The following STAU2 variants were observed in gnomAD, a reference collection of about 807,000 sequenced individuals.
STAU2 encodes the protein double-stranded RNA-binding protein Staufen homolog 2.
A neutral mutation model predicts 65.9 loss-of-function variants in STAU2; 20 were observed. The ratio of observed to expected loss-of-function variants is 0.30; its 90% confidence interval spans 0.21 to 0.44. The LOEUF (loss-of-function observed/expected upper bound fraction) is 0.44, where lower values mean the gene tolerates loss of function less well. STAU2 is among the 20% of genes least tolerant of loss of function. The pLI, the probability that STAU2 is intolerant of heterozygous loss-of-function variation, is 1.00. For synonymous variants in STAU2, 232 were observed against 233.9 expected (o/e 0.99, Z 0.07); for missense variants, 558 against 683.9 (o/e 0.82, Z 2.05).
At chr8:73,717,717 A>C (rs1191746577) in intron 3 of STAU2, among the ~76,000 whole-genome samples, 1 of 152,014 alleles carries the variant, frequency 6.6e-6, no homozygotes, top group Admixed American at 6.6e-5. Flanking sequence ...GCGCGATCTC[A>C]GCTCACTGCA....
At chr8:73,504,130 A>C (rs1243963032) in intron 13 of STAU2, among the ~76,000 whole-genome samples, 2 of 152,060 alleles carry the variant, frequency 1.3e-5, no homozygotes, top group African/African-American at 4.8e-5. Flanking sequence ...ATATCCCAAG[A>C]CCCATATAGT....
At chr8:73,494,047 G>C (rs1163955771) in intron 13 of STAU2, among the ~76,000 whole-genome samples, 1 of 151,732 alleles carries the variant, frequency 6.6e-6, no homozygotes, top group Non-Finnish European at 1.5e-5. Context: ...TTACTGAAAA[G>C]GGACGTGAAG....
chr8:73,443,409 GGAAAAC>G (rs1199430568), intron 13 of STAU2, among the ~76,000 whole-genome samples: 2 of 152,142 alleles, frequency 1.3e-5, no homozygotes, highest in Non-Finnish European at 2.9e-5. Flanking sequence ...TTTCAAAGGA[GGAAAAC>G]GAATGAATGA....
intron 14 of STAU2, among the ~76,000 whole-genome samples, chr8:73,421,956 ATTTTTTTT>A (rs57489089): frequency 1.4e-5 from 2 of 144,274 alleles, no homozygotes; most frequent in African/African-American, 5.1e-5. Flanking sequence ...ACCCCTTTCC[ATTTTTTTT>A]TTTTTTTTAG....
intron 4 of STAU2, among the ~76,000 whole-genome samples, chr8:73,703,745 G>C (rs1718262875): frequency 6.6e-6 from 1 of 152,180 alleles, no homozygotes; most frequent in South Asian, 2.1e-4. Flanking sequence ...TATAGTTTTA[G>C]AAACTGCAAA....
intron 13 of STAU2, among the ~76,000 whole-genome samples, chr8:73,433,236 T>C (rs1792474077): frequency 6.6e-6 from 1 of 151,998 alleles, no homozygotes; most frequent in African/African-American, 2.4e-5. Context: ...GATGGAGTCT[T>C]GCTCTGTTGC....
chr8:73,690,707 C>T (rs563772221), intron 4 of STAU2, among the ~76,000 whole-genome samples: 9 of 152,136 alleles, frequency 5.9e-5, no homozygotes, highest in Non-Finnish European at 1.0e-4. Flanking sequence ...TGAATCTAAA[C>T]CATACATGAG....
At chr8:73,516,606 A>T (rs1027250231) in intron 13 of STAU2, among the ~76,000 whole-genome samples, 5 of 152,202 alleles carry the variant, frequency 3.3e-5, no homozygotes, top group African/African-American at 1.2e-4. Flanking sequence ...TTTGAAAAAT[A>T]ACCAGTAACT....
At chr8:73,679,006 G>A (rs896633357) in intron 5 of STAU2, among the ~76,000 whole-genome samples, 9 of 152,144 alleles carry the variant, frequency 5.9e-5, no homozygotes, top group African/African-American at 2.2e-4. Flanking sequence ...ACATTTTAGA[G>A]TTATTGTTGA....
chr8:73,741,215 GA>G (rs1806842714), intron 1 of STAU2, among the ~76,000 whole-genome samples: 1 of 145,860 alleles, frequency 6.9e-6, no homozygotes, highest in Non-Finnish European at 1.5e-5. Context: ...TGAGGCAGGA[GA>G]ATGGCGTGAA....
intron 13 of STAU2, among the ~76,000 whole-genome samples, chr8:73,488,935 C>T (rs916095200): frequency 6.6e-6 from 1 of 151,982 alleles, no homozygotes; most frequent in Admixed American, 6.6e-5. Context: ...TCATTTATTT[C>T]TTTTCTGAAT....
chr8:73,675,292 T>C (rs1166120514), intron 5 of STAU2, among the ~76,000 whole-genome samples: 1 of 151,172 alleles, frequency 6.6e-6, no homozygotes, highest in East Asian at 1.9e-4. Flanking sequence ...ACAGAAAAAG[T>C]GGTGCTAAGA....
intron 9 of STAU2, among the ~76,000 whole-genome samples, chr8:73,609,135 G>C (rs1812252039): frequency 6.6e-6 from 1 of 152,082 alleles, no homozygotes; most frequent in Admixed American, 6.6e-5. Context: ...AATACTAAGT[G>C]GGGATGTCTA....
intron 5 of STAU2, among the ~76,000 whole-genome samples, chr8:73,687,189 CAATAT>C (rs952305715): frequency 8.4e-5 from 11 of 130,644 alleles, no homozygotes; most frequent in Non-Finnish European, 1.6e-4. Flanking sequence ...ATAATATATA[CAATAT>C]ATTATAAATT....
chr8:73,542,962 C>T (rs1379430918), intron 13 of STAU2, among the ~76,000 whole-genome samples: 5 of 152,140 alleles, frequency 3.3e-5, no homozygotes, highest in African/African-American at 1.2e-4. Flanking sequence ...CATATGTCTG[C>T]ACAAAATATT....
chr8:73,533,827 A>G (rs1345285620), intron 13 of STAU2, among the ~76,000 whole-genome samples: 1 of 152,184 alleles, frequency 6.6e-6, no homozygotes, highest in Non-Finnish European at 1.5e-5. Context: ...GGGGCCATCC[A>G]AATAAAAATT....
intron 3 of STAU2, among the ~76,000 whole-genome samples, chr8:73,731,001 C>A (rs1350438465): frequency 1.3e-5 from 2 of 152,184 alleles, no homozygotes; most frequent in African/African-American, 4.8e-5. Flanking sequence ...TACTTGGAAT[C>A]ATTTGGAGCC....
At chr8:73,605,858 CACACACACACACACACACAT>C (rs1184872753) in intron 9 of STAU2, among the ~76,000 whole-genome samples, 57 of 77,658 alleles carry the variant, frequency 7.3e-4, no homozygotes, top group East Asian at 3.8e-3. Flanking sequence ...CACACACACA[CACACACACACACACACACAT>C]ACACACACAC....
chr8:73,497,937 T>G (rs908001169), intron 13 of STAU2, among the ~76,000 whole-genome samples: 6 of 151,832 alleles, frequency 4.0e-5, no homozygotes, highest in Non-Finnish European at 7.4e-5. Flanking sequence ...AATCTCTAAA[T>G]TTTGTTTTAA....
Sources: gnomAD v4.1 joint callset for allele counts (sites outside exome capture counted in the v4.1 genomes callset) on GRCh38, gnomAD v4.1.1 for gene constraint, MANE v1.5 for transcripts, NCBI Gene and HGNC (gene_info 2026-07-23, HGNC 2026-07-21) for gene names.